The following MIER1 variants were observed in gnomAD, a reference collection of about 807,000 sequenced individuals.
MIER1 encodes mesoderm induction early response protein 1.
In MIER1, 40 loss-of-function variants were observed where a neutral mutation model predicts 75.7. The ratio of observed to expected loss-of-function variants is 0.53; its 90% CI spans 0.41 to 0.69. MIER1 has a LOEUF of 0.69. Ranked by LOEUF, MIER1 falls within the 30% of genes least tolerant of loss-of-function variation. The pLI is 0.00. For synonymous variants in MIER1, 213 were observed against 223.4 expected, an observed-to-expected ratio of 0.95 and a Z score of 0.42; for missense variants, 574 against 680.2, an observed-to-expected ratio of 0.84 and a Z score of 1.74.
At chr1:66,935,689 A>G (rs974765076) in intron 2 of MIER1, among the ~76,000 whole-genome samples, 2 of 152,194 alleles carry the variant, frequency 1.3e-5, no homozygotes, top group Admixed American at 1.3e-4. Flanking sequence ...CCCATTCCCT[A>G]GAGGTAACTA....
At chr1:66,977,802 T>C (rs1041843554) in intron 12 of MIER1, among the ~76,000 whole-genome samples, 1 of 151,812 alleles carries the variant, frequency 6.6e-6, no homozygotes. Flanking sequence ...GTTTACAGAA[T>C]AAAAAAATAA....
At chr1:66,946,373 CTGAT>C in intron 4 of MIER1, 78 bp downstream of exon 4, 1 of 1,470,156 alleles carries the variant, frequency 6.8e-7, no homozygotes, top group Non-Finnish European at 9.0e-7. Context: ...TTTTGATTCT[CTGAT>C]TAGGAGAGAA....
At chr1:66,982,281 T>C (rs1292075352) in intron 13 of MIER1, among the ~76,000 whole-genome samples, 1 of 152,180 alleles carries the variant, frequency 6.6e-6, no homozygotes, top group Non-Finnish European at 1.5e-5. Flanking sequence ...ATACAGATCA[T>C]TGCAAAATAC....
intron 12 of MIER1, among the ~76,000 whole-genome samples, chr1:66,981,217 A>G (rs1369415773): frequency 2.0e-5 from 3 of 152,304 alleles, no homozygotes; most frequent in Admixed American, 1.3e-4. Flanking sequence ...TAGAGAAGAA[A>G]TGAGCTCACA....
intron 2 of MIER1, among the ~76,000 whole-genome samples, chr1:66,936,199 CACTT>C (rs1163637297): frequency 1.3e-5 from 2 of 151,858 alleles, no homozygotes; most frequent in Non-Finnish European, 2.9e-5. Flanking sequence ...TATAAATAAG[CACTT>C]ACTTAGCTTT....
At chr1:66,948,158 C>A in intron 4 of MIER1, 1 of 882,534 alleles carries the variant, frequency 1.1e-6, no homozygotes, top group Non-Finnish European at 1.4e-6. Flanking sequence ...TTTCATGGTA[C>A]CTTGCAAGAG....
intron 8 of MIER1, among the ~76,000 whole-genome samples, chr1:66,964,113 C>G (rs1661829348): frequency 6.6e-6 from 1 of 150,596 alleles, no homozygotes; most frequent in East Asian, 2.0e-4. Flanking sequence ...CTCTTGTTGC[C>G]CAGACTGGAG....
At position 66,982,135 on chromosome 1, in the gene MIER1, A is replaced by G. The variant is rs1026501920; in HGVS notation, c.1369+217A>G. Among the ~76,000 whole-genome samples, 11 of 152,208 alleles carry G rather than the reference A, an allele frequency of 7.2e-5. No homozygotes were observed. In the East Asian group the frequency reaches 1.7e-3, roughly 24 times the overall value. On this transcript the variant is annotated intron_variant, in intron 13 of 13. Transcript: ENST00000401041. ...GTAATTTTAATAAAGCCTACTGTCA[A>G]CAGTGACTATTTCTTGTAAGAAATT...
intron 4 of MIER1, among the ~76,000 whole-genome samples, chr1:66,955,364 T>TTA (rs61423526): frequency 3.4e-5 from 5 of 145,302 alleles, no homozygotes; most frequent in African/African-American, 7.7e-5. Flanking sequence ...TTTTTTTTTT[T>TTA]AATTGCAGGT....
Position 66,946,197 on chromosome 1 carries a change from A to C in MIER1, c.241A>C (p.Met81Leu). 6.2e-7 allele frequency: 1 copy of C among 1,612,188 alleles called. No individual in the cohort carries two copies. Among genetic ancestry groups the C allele is most frequent in the African/African-American group, 1.3e-5 (1 of 75,014 alleles). ...DDHEFDPSADMLVHDFDDERT... is the reference protein window; with the variant it reads ...DDHEFDPSADLLVHDFDDERT... ...CCATGAATTTGATCCATCAGCTGAC[A>C]TGCTGGTTCATGATTTTGATGATGA... Residue 81 changes from methionine to leucine, a missense_variant, in exon 4 of 14, where the codon ATG becomes CTG. Physicochemically the swap from Met to Leu is conservative, Grantham distance 15 (BLOSUM62 2). Around this residue, in one of 3 missense-constraint regions of MIER1, gnomAD observed 309 missense variants for 352.8 expected, o/e 0.88. Coordinates refer to ENST00000401041, the MANE Select transcript of MIER1 (RefSeq NM_001077700.3).
chr1:66,974,930 G>A (rs1374448809), intron 11 of MIER1, among the ~76,000 whole-genome samples: 1 of 152,064 alleles, frequency 6.6e-6, no homozygotes, highest in Non-Finnish European at 1.5e-5. Flanking sequence ...TTTGCTTTCA[G>A]TAAAGTACAG....
intron 13 of MIER1, among the ~76,000 whole-genome samples, chr1:66,982,670 A>C (rs1318773191): frequency 2.0e-5 from 3 of 152,234 alleles, no homozygotes; most frequent in African/African-American, 4.8e-5. Flanking sequence ...TGAAGAGCTG[A>C]CTTCTTCCTG....
intron 8 of MIER1, among the ~76,000 whole-genome samples, chr1:66,964,756 G>T (rs1006171044): frequency 4.6e-5 from 7 of 152,114 alleles, no homozygotes; most frequent in Admixed American, 2.6e-4. Flanking sequence ...CTGGCCGTAT[G>T]TGTGCTTTTA....
At position 66,988,171 on chromosome 1, in the gene MIER1, T is replaced by C. The variant is rs1184276075; in HGVS notation, c.*3271T>C. The stretch of plus-strand genomic sequence containing the variant: ...AAGGTTTTCCCAACTATAATCCATA[T>C]TCATGAAAAATGCCAGTGTGGAAAA... On this transcript the variant is annotated 3_prime_UTR_variant, in exon 14 of 14. Transcript: ENST00000401041. 1.3e-5 allele frequency: 2 copies of C among 152,308 alleles called. No individual in the cohort carries two copies. The highest frequency in any genetic ancestry group is 1.5e-5 in the Non-Finnish European group (1 of 68,022). The allele number at this position is 152,308 out of a possible 1,614,324, so 9.4% of individuals were successfully genotyped here. A position where few individuals can be genotyped will look rare whatever the true frequency, so the allele number is the denominator to read the frequency against.
chr1:66,925,324 C>G (rs553268919), intron 1 of MIER1: 26 of 985,452 alleles, frequency 2.6e-5, no homozygotes, highest in Non-Finnish European at 3.0e-5. Context: ...TCGACTGCCT[C>G]CCAGCGCCGC....
intron 8 of MIER1, among the ~76,000 whole-genome samples, chr1:66,965,337 C>A (rs1570411570): frequency 6.6e-6 from 1 of 151,670 alleles, no homozygotes. Context: ...TATTAAATTT[C>A]TTTTAAATTT....
At chr1:66,969,074 T>A (rs901687666) in intron 8 of MIER1, among the ~76,000 whole-genome samples, 2 of 152,164 alleles carry the variant, frequency 1.3e-5, no homozygotes, top group Admixed American at 6.5e-5. Flanking sequence ...TATTTATAAT[T>A]TAGGATATAA....
rs147742172 is a variant in MIER1 at position 66,967,816 on chromosome 1, A to G, written c.773-2992A>G. ...TTTCAGAATGTTGACTTGGTGGCATATAGAAATGCTACTGATTTTTGTATG... is the reference window on the plus strand; with the variant it reads ...TTTCAGAATGTTGACTTGGTGGCATGTAGAAATGCTACTGATTTTTGTATG... On this transcript the variant is annotated intron_variant, in intron 8 of 13. Coordinates refer to ENST00000401041, the MANE Select transcript of MIER1 (RefSeq NM_001077700.3). Among the ~76,000 whole-genome samples, 53 of 152,322 alleles carry G rather than the reference A, an allele frequency of 3.5e-4. No homozygotes were observed. In the East Asian group the frequency reaches 0.01, roughly 29 times the overall value.
intron 4 of MIER1, chr1:66,946,986 C>T (rs975834264): frequency 2.0e-5 from 20 of 985,120 alleles, no homozygotes; most frequent in South Asian, 1.9e-4. Flanking sequence ...CAGTTTGGAC[C>T]TTCTTTTTTT....
Sources: gnomAD v4.1 joint callset for allele counts (sites outside exome capture counted in the v4.1 genomes callset) on GRCh38, gnomAD v4.1.1 for gene constraint, gnomAD v4.1.1 regional missense constraint, MANE v1.5 for transcripts, NCBI Gene and HGNC (gene_info 2026-07-23, HGNC 2026-07-21) for gene names.